The following ARL6IP6 variants were observed in gnomAD, a reference collection of about 807,000 sequenced individuals.
The protein encoded by ARL6IP6 is ADP-ribosylation factor-like protein 6-interacting protein 6.
A neutral mutation model predicts 21.5 loss-of-function variants in ARL6IP6; 22 were observed. That is an observed-to-expected ratio of 1.02 (90% CI 0.73 to 1.46). The LOEUF is 1.46. Among genes scored for constraint, ARL6IP6 ranks in the 40% most tolerant of loss-of-function variants. The pLI, the probability that ARL6IP6 is intolerant of heterozygous loss-of-function variation, is 0.00. For synonymous variants in ARL6IP6, 164 were observed against 125.3 expected (o/e 1.31, Z -2.06); for missense variants, 388 against 299.8 (o/e 1.29, Z -2.17).
At chr2:152,719,579 G>A (rs1699622083) in intron 1 of ARL6IP6, among the ~76,000 whole-genome samples, 1 of 151,980 alleles carries the variant, frequency 6.6e-6, no homozygotes, top group Non-Finnish European at 1.5e-5. Flanking sequence ...TAGTCCACTC[G>A]TCCTCTAATA....
intron 2 of ARL6IP6, among the ~76,000 whole-genome samples, chr2:152,728,635 A>G (rs927853265): frequency 2.0e-5 from 3 of 152,224 alleles, no homozygotes. Flanking sequence ...AAGCCAAAAC[A>G]AATATACCCT....
intron 3 of ARL6IP6, among the ~76,000 whole-genome samples, chr2:152,736,588 T>C (rs1187218088): frequency 6.6e-6 from 1 of 152,180 alleles, no homozygotes; most frequent in Non-Finnish European, 1.5e-5. Flanking sequence ...TTTTGTACTA[T>C]TTAAGGCTAG....
intron 1 of ARL6IP6, among the ~76,000 whole-genome samples, chr2:152,719,326 A>G (rs537850685): frequency 2.4e-4 from 36 of 152,350 alleles, no homozygotes; most frequent in African/African-American, 8.4e-4. Flanking sequence ...ATTAAACAAA[A>G]TGCGAAACAC....
At chr2:152,746,068 A>ATAGCAGT (rs1191516910) in intron 3 of ARL6IP6, among the ~76,000 whole-genome samples, 4 of 126,796 alleles carry the variant, frequency 3.2e-5, no homozygotes, top group African/African-American at 1.3e-4. Context: ...CCCAGGCTAG[A>ATAGCAGT]TAGCAGTGGC....
At chr2:152,745,894 T>C (rs1054759416) in intron 3 of ARL6IP6, among the ~76,000 whole-genome samples, 1 of 152,220 alleles carries the variant, frequency 6.6e-6, no homozygotes, top group Admixed American at 6.5e-5. Flanking sequence ...ATTACTGTTC[T>C]GAATGGAGAT....
chr2:152,720,531 A>T lies in ARL6IP6; in HGVS notation c.401-2A>T, dbSNP rs760774209. 6.2e-7 allele frequency: 1 copy of T among 1,613,550 alleles called. No homozygotes were observed. Among genetic ancestry groups the T allele is most frequent in the South Asian group, 1.1e-5 (1 of 91,072 alleles). Reference sequence around the variant, plus strand: ...TACCTAAGTCCCTCTTTGTATTTGCAGAGTTGCATGCTGAGAATTTGAAAA... The same window carrying T: ...TACCTAAGTCCCTCTTTGTATTTGCTGAGTTGCATGCTGAGAATTTGAAAA... On this transcript the variant is annotated splice_acceptor_variant, in intron 1 of 3. Transcript: ENST00000326446. LOFTEE classifies it high-confidence loss of function.
chr2:152,745,473 G>A (rs1457039952), intron 3 of ARL6IP6, among the ~76,000 whole-genome samples: 1 of 152,056 alleles, frequency 6.6e-6, no homozygotes, highest in Non-Finnish European at 1.5e-5. Flanking sequence ...CTTAACTTGG[G>A]CATATATATA....
upstream of ARL6IP6, chr2:152,718,576 G>A: frequency 6.7e-7 from 1 of 1,493,352 alleles, no homozygotes; most frequent in Non-Finnish European, 8.9e-7. Context: ...CCCGGGGCGG[G>A]GCAGGTGGGA....
At chr2:152,759,115 CAA>C (rs1195296860) in intron 3 of ARL6IP6, among the ~76,000 whole-genome samples, 7 of 152,042 alleles carry the variant, frequency 4.6e-5, no homozygotes, top group Admixed American at 3.3e-4. Flanking sequence ...ATAAAGGAAA[CAA>C]ATGTCAGGGA....
In ARL6IP6 at chr2:152,718,737, G is replaced by T. The variant is rs1699426196; in HGVS notation, c.113G>T (p.Gly38Val). ...YSSFTQGDSWGEGEVDEEEGC... is the reference protein window; with the variant it reads ...YSSFTQGDSWVEGEVDEEEGC... ...TCCTTTACTCAGGGGGACAGCTGGG[G>T]TGAAGGCGAAGTCGACGAGGAGGAG... is the stretch of plus-strand genomic sequence containing the variant. Residue 38 changes from glycine to valine, a missense_variant, in exon 1 of 4, where the codon GGT (glycine) becomes GTT (valine). Coordinates refer to ENST00000326446, the MANE Select transcript of ARL6IP6 (RefSeq NM_152522.7). 2 of 1,610,916 alleles carry T rather than the reference G, an allele frequency of 1.2e-6. No homozygotes were observed. Among genetic ancestry groups the T allele is most frequent in the Non-Finnish European group, 1.7e-6 (2 of 1,178,706 alleles).
intron 3 of ARL6IP6, among the ~76,000 whole-genome samples, chr2:152,746,962 A>G (rs1285156279): frequency 3.3e-5 from 5 of 150,156 alleles, no homozygotes; most frequent in Non-Finnish European, 7.4e-5. Context: ...AATTGCTGGG[A>G]CTACAGGCGA....
At chr2:152,720,473 T>G (rs758147357) in intron 1 of ARL6IP6, 60 bp from the exon 2 acceptor site, 1 of 1,534,958 alleles carries the variant, frequency 6.5e-7, no homozygotes, top group Non-Finnish European at 9.0e-7. Flanking sequence ...TCACAGCCCT[T>G]GAGTTACTTT....
upstream of ARL6IP6, chr2:152,718,484 G>A (rs1014513313): frequency 6.5e-6 from 8 of 1,238,438 alleles, no homozygotes; most frequent in East Asian, 2.8e-5. Flanking sequence ...GCAACCCGCC[G>A]CCCACCCTTG....
upstream of ARL6IP6, chr2:152,717,763 TA>T (rs1297112207): frequency 4.0e-6 from 5 of 1,259,118 alleles, no homozygotes; most frequent in Non-Finnish European, 5.1e-6. Flanking sequence ...CCTCACCCCG[TA>T]GGGGGTGGGG....
intron 3 of ARL6IP6, among the ~76,000 whole-genome samples, chr2:152,743,731 A>G (rs575392657): frequency 3.3e-5 from 5 of 152,294 alleles, no homozygotes; most frequent in East Asian, 3.9e-4. Context: ...GGATAGTTCA[A>G]CTATATAAAT....
intron 3 of ARL6IP6, among the ~76,000 whole-genome samples, chr2:152,741,932 A>C (rs1217584429): frequency 6.6e-6 from 1 of 152,204 alleles, no homozygotes; most frequent in Non-Finnish European, 1.5e-5. Flanking sequence ...GTTGTTATTA[A>C]AGGTTTGTTA....
In ARL6IP6 at chr2:152,760,619, ATTAT is replaced by A. The variant is rs1701797988; in HGVS notation, c.*783_*786del. 6.6e-6 allele frequency: 1 copy of A among 152,058 alleles called. No homozygotes were observed. Among genetic ancestry groups the A allele is most frequent in the Non-Finnish European group, 1.5e-5 (1 of 67,950 alleles). 9.4% of individuals were successfully genotyped at this position (152,058 alleles called of 1,614,324 possible). A position where few individuals can be genotyped will look rare whatever the true frequency, so the allele number is the denominator to read the frequency against. On this transcript the variant is annotated 3_prime_UTR_variant, in exon 4 of 4. Coordinates refer to ENST00000326446, the MANE Select transcript of ARL6IP6 (RefSeq NM_152522.7). ...ACAAAAAATGCCTGAAAAAAGCTAA[ATTAT>A]TTAAGTCATTAAGATATTGAGAAAA...
At chr2:152,720,338 G>T in intron 1 of ARL6IP6, 195 bp from the exon 2 acceptor site, 1 of 615,510 alleles carries the variant, frequency 1.6e-6, no homozygotes, top group East Asian at 2.8e-5. Flanking sequence ...GTATATAGCT[G>T]TTGGCTCCCT....
chr2:152,755,584 TCTGCCTTGG>T (rs2105189690), intron 3 of ARL6IP6, among the ~76,000 whole-genome samples: 1 of 152,340 alleles, frequency 6.6e-6, no homozygotes, highest in East Asian at 1.9e-4. Context: ...CCTCTCTCTC[TCTGCCTTGG>T]CTGCCAGGCA....
Sources: allele counts gnomAD v4.1 joint callset (sites outside exome capture counted in the v4.1 genomes callset), GRCh38; gene constraint gnomAD v4.1.1; transcripts MANE v1.5; gene names NCBI Gene and HGNC (gene_info 2026-07-23, HGNC 2026-07-21).